The following KALRN variants were observed in gnomAD, a reference collection of about 807,000 sequenced individuals.
KALRN encodes kalirin RhoGEF kinase.
Under a neutral mutation model 353.7 loss-of-function variants are expected in KALRN, and 70 were observed. The ratio of observed to expected loss-of-function variants is 0.20; its 90% CI spans 0.16 to 0.24. KALRN has a LOEUF of 0.24. Among genes scored for constraint, KALRN ranks in the 10% least tolerant of loss-of-function variants. The pLI, the probability that KALRN is intolerant of heterozygous loss-of-function variation, is 1.00. For missense variants in KALRN, 2,791 were observed against 3,756.7 expected, an observed-to-expected ratio of 0.74 and a Z score of 6.72; for synonymous variants, 1,391 against 1,434.8, an observed-to-expected ratio of 0.97 and a Z score of 0.69.
chr3:124,618,614 A>G (rs144158838), intron 34 of KALRN, among the ~76,000 whole-genome samples: 27 of 152,310 alleles, frequency 1.8e-4, no homozygotes, highest in African/African-American at 6.5e-4. Flanking sequence ...TTACTAGATA[A>G]GCTAATAGAG....
chr3:124,645,913 C>A (rs2082658327), intron 37 of KALRN, among the ~76,000 whole-genome samples: 1 of 152,120 alleles, frequency 6.6e-6, no homozygotes, highest in Non-Finnish European at 1.5e-5. Flanking sequence ...AGTCTACATT[C>A]CCACCAACAC....
chr3:124,290,363 C>A (rs2076317468), intron 5 of KALRN, among the ~76,000 whole-genome samples: 1 of 152,064 alleles, frequency 6.6e-6, no homozygotes, highest in South Asian at 2.1e-4. Flanking sequence ...AATTCAGAAA[C>A]TAGGAAGTGA....
At chr3:124,526,752 T>C (rs1047817894) in intron 33 of KALRN, among the ~76,000 whole-genome samples, 19 of 151,606 alleles carry the variant, frequency 1.3e-4, no homozygotes, top group Non-Finnish European at 1.9e-4. Flanking sequence ...TTCTGGAGAG[T>C]CCCTCCACTA....
At chr3:124,212,176 A>G (rs1383267524) in intron 1 of KALRN, among the ~76,000 whole-genome samples, 1 of 152,088 alleles carries the variant, frequency 6.6e-6, no homozygotes, top group Non-Finnish European at 1.5e-5. Flanking sequence ...TACAACATTG[A>G]TTTTAATACA....
intron 10 of KALRN, among the ~76,000 whole-genome samples, chr3:124,375,643 T>C (rs924931600): frequency 6.6e-6 from 1 of 152,232 alleles, no homozygotes; most frequent in Non-Finnish European, 1.5e-5. Flanking sequence ...TTGTAACTAG[T>C]ATTGGCAACC....
At chr3:124,277,323 T>G (rs1442227602) in intron 5 of KALRN, among the ~76,000 whole-genome samples, 1 of 152,110 alleles carries the variant, frequency 6.6e-6, no homozygotes, top group Admixed American at 6.5e-5. Flanking sequence ...TGCCCTCTTG[T>G]TCCTGCTCTC....
chr3:124,694,478 T>C lies in KALRN; in HGVS notation c.7552T>C (p.Ser2518Pro). The C allele has an allele frequency of 6.2e-7, 1 of 1,614,096 alleles. No individual in the cohort carries two copies. The highest frequency in any genetic ancestry group is 8.5e-7 in the Non-Finnish European group (1 of 1,180,012). The change falls in exon 53 of 60, where the codon TCA becomes CCA. Residue 2518 changes from serine (S) to proline (P), a missense_variant. This residue lies in a region of KALRN where 1,065 missense variants were observed against 1,156.4 expected (regional missense o/e 0.92). Transcript: ENST00000682506. ...DQNILDTDNS[S>P]ATYTVSSCDS... Reference sequence around the variant, plus strand: ...GAACATCCTTGACACTGATAACAGCTCAGCCACATACACGGTCTCCTCTTG... The same window carrying C: ...GAACATCCTTGACACTGATAACAGCCCAGCCACATACACGGTCTCCTCTTG...
At chr3:124,708,339 A>G (rs756375304) in intron 57 of KALRN, among the ~76,000 whole-genome samples, 3 of 152,186 alleles carry the variant, frequency 2.0e-5, no homozygotes, top group Admixed American at 6.5e-5. Flanking sequence ...ACTATCACAC[A>G]AAGACTTTAA....
At chr3:124,433,302 A>C (rs1026005894) in intron 16 of KALRN, among the ~76,000 whole-genome samples, 2 of 151,954 alleles carry the variant, frequency 1.3e-5, no homozygotes, top group African/African-American at 4.8e-5. Context: ...AAAAAAAAAG[A>C]ACTTCTGGTC....
At chr3:124,413,775 C>A (rs1406281198) in intron 14 of KALRN, 110 bp downstream of exon 14, 3 of 890,462 alleles carry the variant, frequency 3.4e-6, no homozygotes, top group Non-Finnish European at 5.0e-6. Flanking sequence ...CCTACAGATA[C>A]AAAGAATAGA....
At chr3:124,037,418 G>A (rs141124423) in intron 1 of KALRN, among the ~76,000 whole-genome samples, 35 of 152,310 alleles carry the variant, frequency 2.3e-4, no homozygotes, top group African/African-American at 8.2e-4. Flanking sequence ...GGTTAGTGAG[G>A]AATGGGAAAC....
chr3:124,557,087 T>A (rs548309333), intron 33 of KALRN, among the ~76,000 whole-genome samples: 2 of 152,222 alleles, frequency 1.3e-5, no homozygotes. Flanking sequence ...AATTTCAACT[T>A]CCATGTTAGA....
chr3:124,266,357 T>G (rs1312239256), intron 4 of KALRN, among the ~76,000 whole-genome samples: 1 of 152,138 alleles, frequency 6.6e-6, no homozygotes, highest in East Asian at 1.9e-4. Flanking sequence ...TAGTGGATGG[T>G]TTTTATTTAC....
intron 16 of KALRN, among the ~76,000 whole-genome samples, chr3:124,433,682 T>G (rs1435957647): frequency 1.3e-5 from 2 of 151,912 alleles, no homozygotes; most frequent in African/African-American, 4.8e-5. Flanking sequence ...AACATGGGGA[T>G]TATGTATTGA....
At chr3:124,667,350 C>A (rs3755692) in intron 47 of KALRN, among the ~76,000 whole-genome samples, 167 bp downstream of exon 47, 1 of 152,254 alleles carries the variant, frequency 6.6e-6, no homozygotes, top group Admixed American at 6.5e-5. Flanking sequence ...AAGCTGAATA[C>A]ACAAGCACAA....
At chr3:124,611,982 G>A (rs1221477903) in intron 34 of KALRN, among the ~76,000 whole-genome samples, 1 of 152,134 alleles carries the variant, frequency 6.6e-6, no homozygotes. Flanking sequence ...TACTCATTCT[G>A]AAGAAGTCCT....
intron 2 of KALRN, among the ~76,000 whole-genome samples, chr3:124,229,069 A>T (rs1243165964): frequency 5.3e-5 from 8 of 151,406 alleles, no homozygotes; most frequent in African/African-American, 1.9e-4. Context: ...ACTTAATCAT[A>T]TTTGCAAAGT....
At chr3:124,296,127 T>A (rs2076825493) in intron 5 of KALRN, among the ~76,000 whole-genome samples, 1 of 152,238 alleles carries the variant, frequency 6.6e-6, no homozygotes, top group African/African-American at 2.4e-5. Context: ...TGGAAGGTGA[T>A]GTTTTTATAC....
rs139210439 is a variant in KALRN at position 124,063,471 on chromosome 3, G to A, written c.73+29658G>A. Among the ~76,000 whole-genome samples the A allele has an allele frequency of 3.7e-3, 560 of 152,308 alleles. 5 individuals are homozygous for A. The highest frequency in any genetic ancestry group is 0.012 in the African/African-American group (516 of 41,572). ...GTACAGTGCTTACAAGGTAGTGCCT[G>A]TGAGGTTGCCAGCTTGGGAAGGAAG... On this transcript the variant is annotated intron_variant, in intron 1 of 59. Transcript: ENST00000682506.
Sources: allele counts gnomAD v4.1 joint callset (sites outside exome capture counted in the v4.1 genomes callset), GRCh38; gene constraint gnomAD v4.1.1; regional missense constraint gnomAD v4.1.1; transcripts MANE v1.5; gene names NCBI Gene and HGNC (gene_info 2026-07-23, HGNC 2026-07-21).